The following GARNL3 variants were observed in gnomAD, a reference collection of about 807,000 sequenced individuals.
GARNL3 encodes the protein GTPase activating Rap/RanGAP domain like 3, also known as GTPase-activating Rap/Ran-GAP domain-like protein 3.
Under a neutral mutation model 125.0 loss-of-function variants are expected in GARNL3, and 63 were observed. The ratio of observed to expected loss-of-function variants is 0.50; its 90% confidence interval spans 0.41 to 0.62. The LOEUF (loss-of-function observed/expected upper bound fraction) is 0.62. Among genes scored for constraint, GARNL3 ranks in the 20% least tolerant of loss-of-function variants. The pLI, the probability that GARNL3 is intolerant of heterozygous loss-of-function variation, is 0.00. For synonymous variants in GARNL3, 439 were observed against 457.5 expected, an observed-to-expected ratio of 0.96 and a Z score of 0.52; for missense variants, 994 against 1,244.0, an observed-to-expected ratio of 0.80 and a Z score of 3.02.
In GARNL3 at chr9:127,374,909, C is replaced by CAAAA. The variant is rs772141471; in HGVS notation, c.2162-8516_2162-8513dup. Among the ~76,000 whole-genome samples, 1,277 of 63,166 alleles carry CAAAA rather than the reference C, an allele frequency of 0.02. 48 individuals carry two copies. In the East Asian group the frequency reaches 0.23, roughly 12 times the overall value. The allele number at this position is 63,166 out of a possible 152,430, so 41.4% of individuals were successfully genotyped here. ...GCAGTATCATGAGACTCCATCTCTA[C>CAAAA]AAAAAAAAAAAAAAAACAACAAAGA... On this transcript the variant is annotated intron_variant, in intron 22 of 27. Coordinates refer to ENST00000373387, the MANE Select transcript of GARNL3 (RefSeq NM_032293.5).
rs555995443 is a variant in GARNL3, at chr9:127,377,346, G to A, written c.2162-6092G>A. On this transcript the variant is annotated intron_variant, in intron 22 of 27. Transcript: ENST00000373387. ...GTTAGGACAATTGGACAAACTTTTG[G>A]AAAAAGTAAATGTATGCCTCTGTTT... 1.9e-3 allele frequency among the ~76,000 whole-genome samples: 286 copies of A among 152,212 alleles called. 1 individual carries two copies. The highest frequency in any genetic ancestry group is 6.5e-3 in the African/African-American group (271 of 41,534).
chr9:127,353,975 G>C, intron 18 of GARNL3, 31 bp downstream of exon 18: 1 of 1,467,298 alleles, frequency 6.8e-7, no homozygotes, highest in South Asian at 1.1e-5. Context: ...GCATGCTGTG[G>C]AGGAAGGAAA....
chr9:127,241,936 TTTGTTG>T (rs148526680), intron 1 of GARNL3, among the ~76,000 whole-genome samples: 242 of 150,358 alleles, frequency 1.6e-3, no homozygotes, highest in African/African-American at 3.9e-3. Context: ...CCCGGCCTGG[TTTGTTG>T]TTGTTGTTGT....
At chr9:127,251,785 T>C (rs2063409291) in intron 2 of GARNL3, among the ~76,000 whole-genome samples, 1 of 152,182 alleles carries the variant, frequency 6.6e-6, no homozygotes, top group African/African-American at 2.4e-5. Flanking sequence ...GCAAAAGGAT[T>C]ATTTTGAGCA....
At chr9:127,321,653 G>A (rs1564137851) in intron 6 of GARNL3, among the ~76,000 whole-genome samples, 1 of 152,162 alleles carries the variant, frequency 6.6e-6, no homozygotes, top group Non-Finnish European at 1.5e-5. Context: ...CTTTTGTCTT[G>A]TAGTTATAAC....
chr9:127,348,895 T>A lies in GARNL3; in HGVS notation c.1432-29T>A, dbSNP rs369465482. ...TGCAGTGTATTTTTTCTGGTGCACT[T>A]ATCTTCCGATGCTTGTATTGCCTCA... is the stretch of plus-strand genomic sequence containing the variant. On this transcript the variant is annotated intron_variant, in intron 16 of 27. Coordinates refer to ENST00000373387, the MANE Select transcript of GARNL3 (RefSeq NM_032293.5). The A allele has an allele frequency of 1.1e-5, 17 of 1,498,974 alleles. No homozygotes were observed. The African/African-American group carries it at 1.8e-4, about 16-fold the overall frequency. The allele number at this position is 1,498,974 out of a possible 1,614,324, so 92.9% of individuals were successfully genotyped here.
chr9:127,321,461 G>A (rs867685824), intron 6 of GARNL3, among the ~76,000 whole-genome samples: 5 of 152,180 alleles, frequency 3.3e-5, no homozygotes, highest in African/African-American at 9.7e-5. Flanking sequence ...AATACAAAAC[G>A]TGGTCGATTG....
Position 127,338,112 on chromosome 9 carries a change from A to G in GARNL3, c.983-4A>G. 3.7e-6 allele frequency: 6 copies of G among 1,608,010 alleles called. No homozygotes were observed. Among genetic ancestry groups the G allele is most frequent in the Non-Finnish European group, 5.1e-6 (6 of 1,174,370 alleles). ...GTGATTAGTTCCCTTAACCATCACC[A>G]CAGATATTTTTGCCTTAGTGAGATA... On this transcript the variant is annotated splice_region_variant and splice_polypyrimidine_tract_variant and intron_variant, in intron 11 of 27. Transcript: ENST00000373387.
In GARNL3 at chr9:127,339,726, A is replaced by C. The variant is rs778769128; in HGVS notation, c.1110A>C (p.Glu370Asp). The part of the protein sequence containing the change: ...PTPPVFTDHQ[E>D]FRDFLLVKLI... ...CACCAGTGTTTACAGACCACCAGGA[A>C]TTCAGGGACTTTTTGCTAGTGAAAT... is the stretch of plus-strand genomic sequence containing the variant. Residue 370 changes from glutamate to aspartate, a missense_variant, in exon 13 of 28, where the codon GAA (glutamate) becomes GAC (aspartate). By Grantham distance (45) the Glu-to-Asp change is conservative (BLOSUM62 2). Coordinates refer to ENST00000373387, the MANE Select transcript of GARNL3 (RefSeq NM_032293.5). The C allele has an allele frequency of 6.2e-7, 1 of 1,612,896 alleles. No individual in the cohort carries two copies. Among genetic ancestry groups the C allele is most frequent in the African/African-American group, 1.3e-5 (1 of 74,914 alleles).
intron 1 of GARNL3, among the ~76,000 whole-genome samples, chr9:127,237,610 A>G (rs2063135909): frequency 6.6e-6 from 1 of 152,232 alleles, no homozygotes; most frequent in African/African-American, 2.4e-5. Flanking sequence ...ATATTGATGG[A>G]AAGTTGGTCA....
At position 127,264,981 on chromosome 9, in the gene GARNL3, G is replaced by A. The variant is rs140006877; in HGVS notation, c.104G>A (p.Arg35His). The A allele has an allele frequency of 9.3e-6, 15 of 1,613,052 alleles. No individual in the cohort carries two copies. Among genetic ancestry groups the A allele is most frequent in the South Asian group, 2.2e-5 (2 of 90,852 alleles). The part of the protein sequence containing the change: ...SSVSEDLGCR[R>H]GDFSRKHYGS... ...GTCTCGGAAGACCTAGGCTGTAGAC[G>A]TGGGGATTTCAGTAGGAAACATTAT... is the stretch of plus-strand genomic sequence containing the variant. The change falls in exon 1 of 28, where the codon CGT (arginine) becomes CAT (histidine). Residue 35 changes from arginine to histidine, a missense_variant. Around this residue, in one of 5 missense-constraint regions of GARNL3, gnomAD observed 139 missense variants for 231.6 expected, o/e 0.60. Coordinates refer to ENST00000373387, the MANE Select transcript of GARNL3 (RefSeq NM_032293.5).
intron 1 of GARNL3, among the ~76,000 whole-genome samples, chr9:127,227,648 G>A (rs563972337): frequency 5.1e-4 from 78 of 151,508 alleles, no homozygotes; most frequent in African/African-American, 1.9e-3. Flanking sequence ...GCTGGGCATC[G>A]CGGCTCACAC....
intron 1 of GARNL3, among the ~76,000 whole-genome samples, chr9:127,226,643 C>T (rs555966946): frequency 6.6e-6 from 1 of 152,334 alleles, no homozygotes; most frequent in African/African-American, 2.4e-5. Flanking sequence ...TATACGCCCA[C>T]CCCTCCTCCT....
intron 5 of GARNL3, 138 bp from the exon 6 acceptor site, chr9:127,320,577 C>G: frequency 1.6e-6 from 1 of 608,310 alleles, no homozygotes. Context: ...TTACTTTCAT[C>G]TGTTTGTTCA....
chr9:127,243,344 T>C lies in GARNL3; in HGVS notation c.143+95T>C, dbSNP rs979946442. The stretch of plus-strand genomic sequence containing the variant: ...TTAGGAAGAATATACTTTTTACTTC[T>C]GGGGGGATAGTGGGGAGGGAGAGAG... On this transcript the variant is annotated intron_variant, in intron 2 of 10. Transcript: ENST00000439286. The C allele has an allele frequency of 8.6e-6, 9 of 1,044,534 alleles. No individual in the cohort carries two copies. The African/African-American group carries it at 1.5e-4, about 17-fold the overall frequency. The allele number at this position is 1,044,534 out of a possible 1,614,324, so 64.7% of individuals were successfully genotyped here.
intron 21 of GARNL3, among the ~76,000 whole-genome samples, chr9:127,359,502 A>G (rs1254166364): frequency 6.7e-6 from 1 of 149,774 alleles, no homozygotes; most frequent in African/African-American, 2.5e-5. Context: ...AAAAAAAAAA[A>G]GTTCTCACCC....
chr9:127,303,934 A>C (rs1417044171), intron 2 of GARNL3, among the ~76,000 whole-genome samples: 1 of 152,142 alleles, frequency 6.6e-6, no homozygotes, highest in Non-Finnish European at 1.5e-5. Context: ...TGATGCAGAA[A>C]TGATTCAGGA....
rs750240827 is a variant in GARNL3 at position 127,385,062 on chromosome 9, G to A, written c.2305G>A (p.Asp769Asn). 4.8e-5 allele frequency: 78 copies of A among 1,611,748 alleles called. No homozygotes were observed. The highest frequency in any genetic ancestry group is 6.2e-5 in the Non-Finnish European group (73 of 1,178,778). The change falls in exon 24 of 28, where the codon GAC becomes AAC. Residue 769 changes from aspartate to asparagine, a missense_variant. This residue lies in a region of GARNL3 where 728 missense variants were observed against 865.7 expected (regional missense o/e 0.84). Coordinates refer to ENST00000373387, the MANE Select transcript of GARNL3 (RefSeq NM_032293.5). The surrounding 1 kb of genome is among the most constrained non-coding windows in gnomAD (Gnocchi z 4.1). ...CCCGTATCTCCTGGCCTTCACCACCGACTCCATGGAGATCCGCCTGGTGGT... is the reference window on the plus strand; with the variant it reads ...CCCGTATCTCCTGGCCTTCACCACCAACTCCATGGAGATCCGCCTGGTGGT... ...AFPYLLAFTT[D>N]SMEIRLVVNG...
In GARNL3 at chr9:127,335,066, T is replaced by TG. The variant is rs1323928111; in HGVS notation, c.770-158dup. ...GGAGAGAGGAAGAGGCCTTTCCATG[T>TG]GGGGGGTTGCATCAAGTGGAGGGTT... is the stretch of plus-strand genomic sequence containing the variant. On this transcript the variant is annotated intron_variant, in intron 9 of 27. Transcript: ENST00000373387. Among the ~76,000 whole-genome samples, 4 of 152,262 alleles carry TG rather than the reference T, an allele frequency of 2.6e-5. No individual in the cohort carries two copies. The South Asian group carries it at 8.3e-4, about 32-fold the overall frequency.
Sources: gnomAD v4.1 joint callset for allele counts (sites outside exome capture counted in the v4.1 genomes callset) on GRCh38, gnomAD v4.1.1 for gene constraint, gnomAD v4.1.1 regional missense constraint, Gnocchi (gnomAD v3.1) non-coding constraint, MANE v1.5 for transcripts, NCBI Gene and HGNC (gene_info 2026-07-23, HGNC 2026-07-21) for gene names.